AMBRA1: variants seen among roughly 807,000 people sequenced by gnomAD.
AMBRA1 encodes the protein activating molecule in BECN1-regulated autophagy protein 1.
In AMBRA1, 47 loss-of-function variants were observed where a neutral mutation model predicts 125.4. The observed-to-expected ratio is 0.37, with a 90% confidence interval of 0.30 to 0.48. The LOEUF is 0.48. AMBRA1 is among the 20% of genes least tolerant of loss of function. The probability of loss-of-function intolerance (pLI) is 0.99; values close to 1 mark genes in which losing one functional copy is unlikely to be tolerated. For synonymous variants in AMBRA1, 626 were observed against 655.5 expected, an observed-to-expected ratio of 0.95 and a Z score of 0.69; for missense variants, 1,331 against 1,693.4, an observed-to-expected ratio of 0.79 and a Z score of 3.76.
At chr11:46,441,473 C>G (rs1160442831) in intron 12 of AMBRA1, among the ~76,000 whole-genome samples, 1 of 151,670 alleles carries the variant, frequency 6.6e-6, no homozygotes, top group Non-Finnish European at 1.5e-5. Context: ...CGAGATCATG[C>G]GACTGCACCC....
intron 7 of AMBRA1, among the ~76,000 whole-genome samples, chr11:46,530,783 G>A (rs181944974): frequency 2.6e-5 from 4 of 152,216 alleles, no homozygotes; most frequent in Non-Finnish European, 4.4e-5. Flanking sequence ...TTAAATGATT[G>A]AAAAACATCA....
At chr11:46,506,650 T>C (rs1325272385) in intron 9 of AMBRA1, among the ~76,000 whole-genome samples, 1 of 152,186 alleles carries the variant, frequency 6.6e-6, no homozygotes, top group Non-Finnish European at 1.5e-5. Flanking sequence ...CTGTCCTCTT[T>C]CACAAATGCC....
chr11:46,428,885 A>G, intron 14 of AMBRA1: 1 of 1,611,764 alleles, frequency 6.2e-7, no homozygotes, highest in Non-Finnish European at 8.5e-7. Flanking sequence ...GGCAGGCACA[A>G]TCTCTGGGGG....
chr11:46,411,688 C>T (rs980740478), intron 15 of AMBRA1, among the ~76,000 whole-genome samples: 10 of 152,266 alleles, frequency 6.6e-5, no homozygotes, highest in East Asian at 1.9e-4. Context: ...AGGCTGGTCT[C>T]GAACTCCTGA....
chr11:46,580,777 TA>T (rs2044141675), intron 1 of AMBRA1, among the ~76,000 whole-genome samples: 1 of 152,072 alleles, frequency 6.6e-6, no homozygotes, highest in African/African-American at 2.4e-5. Flanking sequence ...GTACCCACAG[TA>T]ATGGGGTGTT....
At chr11:46,444,896 T>C (rs950290264) in intron 11 of AMBRA1, among the ~76,000 whole-genome samples, 34 of 152,164 alleles carry the variant, frequency 2.2e-4, no homozygotes, top group African/African-American at 8.2e-4. Flanking sequence ...AAGACTGTTT[T>C]TCAGCATTAA....
chr11:46,490,676 A>G (rs1314523763), intron 11 of AMBRA1, among the ~76,000 whole-genome samples: 1 of 152,150 alleles, frequency 6.6e-6, no homozygotes, highest in African/African-American at 2.4e-5. Context: ...CAAATTTCCA[A>G]GCTTCATCCC....
chr11:46,433,980 T>C (rs953859943), intron 13 of AMBRA1, among the ~76,000 whole-genome samples: 3 of 151,906 alleles, frequency 2.0e-5, no homozygotes, highest in Non-Finnish European at 4.4e-5. Context: ...TCAGGCGTGG[T>C]TGCGCATGCC....
intron 1 of AMBRA1, among the ~76,000 whole-genome samples, chr11:46,586,686 C>T (rs1465761182): frequency 6.6e-6 from 1 of 152,134 alleles, no homozygotes. Flanking sequence ...GTTCTAAATG[C>T]TTTATACATA....
chr11:46,569,440 A>AAAAAAAACATATAT (rs1477022124), intron 1 of AMBRA1, among the ~76,000 whole-genome samples: 1 of 131,386 alleles, frequency 7.6e-6, no homozygotes, highest in African/African-American at 2.9e-5. Context: ...AAAAAAAAAA[A>AAAAAAAACATATAT]ATATATATAT....
intron 14 of AMBRA1, among the ~76,000 whole-genome samples, chr11:46,429,385 C>T (rs930497727): frequency 6.6e-6 from 1 of 152,230 alleles, no homozygotes; most frequent in African/African-American, 2.4e-5. Flanking sequence ...ACAGAAAAAC[C>T]TTTTCCACTT....
chr11:46,547,874 C>CCTG lies in AMBRA1; in HGVS notation c.136_137insCAG (p.Arg46delinsThrGly). On this transcript the variant is annotated protein_altering_variant and splice_region_variant, in exon 3 of 18. Coordinates refer to ENST00000683756, the MANE Select transcript of AMBRA1 (RefSeq NM_001387011.1). The stretch of plus-strand genomic sequence containing the variant: ...GCGTGGACTATCCGGCAGTTCTACT[C>CCTG]TCTGGGAGACAAAAAAAAAAAAAAA... 1 of 1,590,104 alleles carries CCTG rather than the reference C, an allele frequency of 6.3e-7. No individual in the cohort carries two copies. The highest frequency in any genetic ancestry group is 1.1e-5 in the South Asian group (1 of 88,266).
intron 16 of AMBRA1, among the ~76,000 whole-genome samples, 179 bp downstream of exon 16, chr11:46,410,097 C>T (rs112852286): frequency 1.2e-4 from 18 of 152,284 alleles, no homozygotes; most frequent in African/African-American, 3.8e-4. Flanking sequence ...AGCTTTTGTT[C>T]TCTTTCTTAG....
At position 46,484,383 on chromosome 11, in the gene AMBRA1, A is replaced by C. The variant is rs572788830; in HGVS notation, c.2521+9225T>G. ...AATTCTGGCATTATACTGAGTCATT[A>C]TAGATTAGAGAGAATCTTCAGCTGG... On this transcript the variant is annotated intron_variant, in intron 11 of 17. Transcript: ENST00000683756. 2.6e-5 allele frequency among the ~76,000 whole-genome samples: 4 copies of C among 152,364 alleles called. No individual in the cohort carries two copies. The South Asian group carries it at 8.3e-4, about 32-fold the overall frequency.
intron 7 of AMBRA1, among the ~76,000 whole-genome samples, chr11:46,521,073 T>C (rs1050900959): frequency 6.6e-6 from 1 of 152,192 alleles, no homozygotes; most frequent in African/African-American, 2.4e-5. Flanking sequence ...ATTTAAGTGA[T>C]GAATCAGCAG....
chr11:46,402,423 G>A (rs1467654069), intron 17 of AMBRA1, among the ~76,000 whole-genome samples: 1 of 151,994 alleles, frequency 6.6e-6, no homozygotes, highest in Non-Finnish European at 1.5e-5. Context: ...GTGCGGTGGC[G>A]AGATCTCAGC....
chr11:46,397,958 G>A lies in AMBRA1; in HGVS notation c.3404-15C>T. Reference sequence around the variant, plus strand: ...TGAACCCTCACCTGGCAGATACAAAGCAGAAGAGAGAGCGAATTGGCTGCT... The same window carrying A: ...TGAACCCTCACCTGGCAGATACAAAACAGAAGAGAGAGCGAATTGGCTGCT... On this transcript the variant is annotated splice_polypyrimidine_tract_variant and intron_variant, in intron 17 of 17. Transcript: ENST00000683756. 6.4e-7 allele frequency: 1 copy of A among 1,570,634 alleles called. No homozygotes were observed. The highest frequency in any genetic ancestry group is 1.1e-5 in the South Asian group (1 of 89,074).
chr11:46,400,936 G>A (rs1308699288), intron 17 of AMBRA1, among the ~76,000 whole-genome samples: 3 of 152,170 alleles, frequency 2.0e-5, no homozygotes, highest in Non-Finnish European at 4.4e-5. Flanking sequence ...CAGAAGGAGA[G>A]AAAACCTGAA....
intron 11 of AMBRA1, among the ~76,000 whole-genome samples, chr11:46,453,046 G>A (rs1441287768): frequency 6.6e-6 from 1 of 152,030 alleles, no homozygotes; most frequent in African/African-American, 2.4e-5. Context: ...TCTAATTTCA[G>A]GCATTTTCAT....
Sources: gnomAD v4.1 joint callset for allele counts (sites outside exome capture counted in the v4.1 genomes callset) on GRCh38, gnomAD v4.1.1 for gene constraint, MANE v1.5 for transcripts, NCBI Gene and HGNC (gene_info 2026-07-23, HGNC 2026-07-21) for gene names.